SNX8: variants seen among roughly 807,000 people sequenced by gnomAD.
SNX8 encodes the protein sorting nexin 8, also known as sorting nexin-8.
In SNX8, 25 loss-of-function variants were observed where a neutral mutation model predicts 51.6. The ratio of observed to expected loss-of-function variants is 0.48; its 90% CI spans 0.35 to 0.68. The LOEUF (loss-of-function observed/expected upper bound fraction) is 0.68. Ranked by LOEUF, SNX8 falls within the 30% of genes least tolerant of loss-of-function variation. The probability of loss-of-function intolerance (pLI) is 0.00; values close to 1 mark genes in which losing one functional copy is unlikely to be tolerated. For synonymous variants in SNX8, 324 were observed against 277.0 expected, an observed-to-expected ratio of 1.17 and a Z score of -1.68; for missense variants, 695 against 624.0, an observed-to-expected ratio of 1.11 and a Z score of -1.21.
intron 1 of SNX8, among the ~76,000 whole-genome samples, chr7:2,320,497 G>C (rs1189602840): frequency 1.3e-5 from 2 of 152,248 alleles, no homozygotes; most frequent in Middle Eastern, 3.4e-3. Context: ...AAGGCAGGAG[G>C]ATGACTTGAG....
intron 3 of SNX8, among the ~76,000 whole-genome samples, chr7:2,272,222 C>G (rs1435518220): frequency 6.6e-6 from 1 of 152,224 alleles, no homozygotes; most frequent in Middle Eastern, 3.2e-3. Flanking sequence ...AACCACAGAT[C>G]TGCTTGTTTC....
chr7:2,297,316 C>T (rs1423421641), intron 1 of SNX8, among the ~76,000 whole-genome samples: 1 of 151,474 alleles, frequency 6.6e-6, no homozygotes, highest in African/African-American at 2.4e-5. Context: ...TTTGGGAGGC[C>T]GAGGCGGGCA....
chr7:2,285,127 G>A (rs1204975913), intron 1 of SNX8, among the ~76,000 whole-genome samples: 2 of 151,488 alleles, frequency 1.3e-5, no homozygotes, highest in Admixed American at 6.6e-5. Context: ...CAGGAGAATG[G>A]CGTGAACCCG....
chr7:2,341,486 C>T lies in SNX8; in HGVS notation c.-66+12736G>A, dbSNP rs113962014. Among the ~76,000 whole-genome samples the T allele has an allele frequency of 9.1e-3, 1,367 of 150,656 alleles. 16 individuals are homozygous for T. Among genetic ancestry groups the T allele is most frequent in the African/African-American group, 0.032 (1,309 of 41,074 alleles). On this transcript the variant is annotated intron_variant, in intron 1 of 5. Coordinates refer to the SNX8 transcript ENST00000435336. ...TGCACTCCAGCCTGGGCAACAAGAG[C>T]GAGACTCCATCTCAAAAAAAAGCAA...
At chr7:2,298,623 G>A (rs1219502948) in intron 1 of SNX8, among the ~76,000 whole-genome samples, 3 of 151,882 alleles carry the variant, frequency 2.0e-5, no homozygotes, top group Non-Finnish European at 4.4e-5. Context: ...ACCCGCCTCA[G>A]CCTCCCAAAG....
At chr7:2,257,088 C>A in intron 9 of SNX8, 65 bp from the exon 10 acceptor site, 1 of 1,495,764 alleles carries the variant, frequency 6.7e-7, no homozygotes, top group Non-Finnish European at 9.0e-7. Context: ...AAGGCCCGAA[C>A]ACCAGCGTGC....
intron 1 of SNX8, among the ~76,000 whole-genome samples, chr7:2,285,942 C>T (rs538438872): frequency 6.6e-6 from 1 of 152,246 alleles, no homozygotes; most frequent in South Asian, 2.1e-4. Context: ...CTCAACCTAT[C>T]AAAGTGCTGG....
intron 1 of SNX8, among the ~76,000 whole-genome samples, chr7:2,305,622 C>T (rs776423559): frequency 1.1e-4 from 16 of 152,040 alleles, no homozygotes; most frequent in Non-Finnish European, 2.1e-4. Flanking sequence ...CCTCGGCCTC[C>T]CTAAGTGCTG....
At chr7:2,310,703 G>A (rs1211089057) in intron 1 of SNX8, among the ~76,000 whole-genome samples, 5 of 152,012 alleles carry the variant, frequency 3.3e-5, no homozygotes, top group Non-Finnish European at 7.4e-5. Flanking sequence ...CCCAGGAGGT[G>A]GAGCTTGCAG....
At chr7:2,297,303 C>G (rs911122971) in intron 1 of SNX8, among the ~76,000 whole-genome samples, 1 of 151,780 alleles carries the variant, frequency 6.6e-6, no homozygotes, top group Non-Finnish European at 1.5e-5. Flanking sequence ...GTAATCCCAG[C>G]ACTTTGGGAG....
intron 2 of SNX8, among the ~76,000 whole-genome samples, chr7:2,277,662 C>T (rs1431983925): frequency 1.3e-5 from 2 of 151,990 alleles, no homozygotes; most frequent in Non-Finnish European, 2.9e-5. Context: ...AAAAAATTTG[C>T]CAGGCGTGGT....
chr7:2,341,480 C>A (rs1486317083), intron 1 of SNX8, among the ~76,000 whole-genome samples: 3 of 151,628 alleles, frequency 2.0e-5, no homozygotes, highest in Non-Finnish European at 2.9e-5. Flanking sequence ...GCCTGGGCAA[C>A]AAGAGCGAGA....
intron 10 of SNX8, among the ~76,000 whole-genome samples, chr7:2,255,563 C>A (rs532063175): frequency 6.6e-6 from 1 of 152,312 alleles, no homozygotes; most frequent in South Asian, 2.1e-4. Flanking sequence ...CACACGGACA[C>A]CCTGTCTCCA....
chr7:2,331,900 G>A (rs1778744225), intron 1 of SNX8, among the ~76,000 whole-genome samples: 1 of 150,090 alleles, frequency 6.7e-6, no homozygotes, highest in African/African-American at 2.5e-5. Context: ...AATATTTAAG[G>A]ACAGATTTTA....
At chr7:2,313,320 G>A (rs1196041903) in intron 1 of SNX8, among the ~76,000 whole-genome samples, 2 of 151,780 alleles carry the variant, frequency 1.3e-5, no homozygotes, top group African/African-American at 2.4e-5. Context: ...GAGGTCAGGA[G>A]TTCGAGACCA....
intron 1 of SNX8, among the ~76,000 whole-genome samples, chr7:2,304,923 A>G (rs1199157996): frequency 1.3e-5 from 2 of 152,200 alleles, no homozygotes; most frequent in African/African-American, 4.8e-5. Flanking sequence ...GGTCCTGAAG[A>G]TAATGAACTG....
chr7:2,345,719 G>T (rs1413069872), intron 1 of SNX8, among the ~76,000 whole-genome samples: 2 of 151,882 alleles, frequency 1.3e-5, no homozygotes, highest in Non-Finnish European at 2.9e-5. Flanking sequence ...TAAGGTTGGT[G>T]GATTTTATTT....
chr7:2,274,643 A>G (rs1032553213), intron 3 of SNX8, among the ~76,000 whole-genome samples: 2 of 152,204 alleles, frequency 1.3e-5, no homozygotes, highest in Admixed American at 6.5e-5. Context: ...TGCAGCTGAC[A>G]TTTCCTACTT....
intron 1 of SNX8, among the ~76,000 whole-genome samples, chr7:2,325,738 A>G (rs1394995463): frequency 2.0e-5 from 3 of 152,176 alleles, no homozygotes; most frequent in Admixed American, 6.6e-5. Context: ...GAGCTGAGGC[A>G]TGAGAATTGC....
Sources: gnomAD v4.1 joint callset for allele counts (sites outside exome capture counted in the v4.1 genomes callset) on GRCh38, gnomAD v4.1.1 for gene constraint, MANE v1.5 for transcripts, NCBI Gene and HGNC (gene_info 2026-07-23, HGNC 2026-07-21) for gene names.